Variants in RASGRF1 observed in about 807,000 individuals in gnomAD.
RASGRF1 encodes ras-specific guanine nucleotide-releasing factor 1.
Under a neutral mutation model 138.7 loss-of-function variants are expected in RASGRF1, and 40 were observed. The observed-to-expected ratio is 0.29, with a 90% confidence interval of 0.22 to 0.38. RASGRF1 has a LOEUF of 0.38. Among genes scored for constraint, RASGRF1 ranks in the 10% least tolerant of loss-of-function variants. The pLI is 1.00. For synonymous variants in RASGRF1, 614 were observed against 663.2 expected, an observed-to-expected ratio of 0.93 and a Z score of 1.14; for missense variants, 1,108 against 1,650.4, an observed-to-expected ratio of 0.67 and a Z score of 5.69.
Position 78,973,269 on chromosome 15 carries a change from C to G in RASGRF1, c.3612+34G>C, listed in dbSNP as rs570815321. 1.3e-6 allele frequency: 2 copies of G among 1,526,156 alleles called. No individual in the cohort carries two copies. Among genetic ancestry groups the G allele is most frequent in the South Asian group, 1.2e-5 (1 of 84,788 alleles). 94.5% of individuals were successfully genotyped at this position (1,526,156 alleles called of 1,614,324 possible). On this transcript the variant is annotated intron_variant, in intron 25 of 26. Coordinates refer to ENST00000558480, the MANE Select transcript of RASGRF1 (RefSeq NM_001145648.3). This position sits in a 1 kb window ranked among gnomAD's most constrained non-coding sequence, Gnocchi z 4.9. ...AGGTTGAGTCATCTGGGCTTCAACG[C>G]CCCCCTTCCCCTGCCTGGCTGGGGG...
intron 24 of RASGRF1, chr15:78,978,412 A>T: frequency 4.7e-6 from 3 of 636,514 alleles, no homozygotes; most frequent in Non-Finnish European, 5.9e-6. Flanking sequence ...TTCAGTAGAG[A>T]CAGGGTTTTG....
intron 1 of RASGRF1, among the ~76,000 whole-genome samples, chr15:79,066,215 G>A (rs1014183857): frequency 1.3e-5 from 2 of 152,020 alleles, no homozygotes; most frequent in African/African-American, 2.4e-5. Context: ...CATTCACCAA[G>A]CAGAACAGGT....
At chr15:79,055,122 G>C (rs1429556061) in intron 3 of RASGRF1, among the ~76,000 whole-genome samples, 1 of 152,200 alleles carries the variant, frequency 6.6e-6, no homozygotes, top group African/African-American at 2.4e-5. Context: ...TGGTGGAGGC[G>C]AGAGACTTTG....
In RASGRF1 at chr15:79,090,534, A is replaced by C; in HGVS notation, c.-36T>G. ...GGCCAGCGAGACCCCACGCGCTTACATCTTCTCCGCGCAGCAGCCCCCCGT... is the reference window on the plus strand; with the variant it reads ...GGCCAGCGAGACCCCACGCGCTTACCTCTTCTCCGCGCAGCAGCCCCCCGT... On this transcript the variant is annotated 5_prime_UTR_variant, in exon 1 of 27. It removes an upstream start codon present in the reference 5' UTR. Transcript: ENST00000558480. The C allele has an allele frequency of 6.3e-7, 1 of 1,596,512 alleles. No homozygotes were observed. Among genetic ancestry groups the C allele is most frequent in the East Asian group, 2.2e-5 (1 of 44,562 alleles).
At chr15:79,075,009 TC>T (rs1286084119) in intron 1 of RASGRF1, among the ~76,000 whole-genome samples, 1 of 152,116 alleles carries the variant, frequency 6.6e-6, no homozygotes, top group East Asian at 1.9e-4. Context: ...TCCAAGGCCT[TC>T]CCAAGTGCAT....
At chr15:79,038,051 A>G (rs2057246308) in intron 5 of RASGRF1, among the ~76,000 whole-genome samples, 1 of 152,172 alleles carries the variant, frequency 6.6e-6, no homozygotes, top group South Asian at 2.1e-4. Context: ...GGGAGTGGCT[A>G]TAAATACAGA....
At chr15:79,064,646 C>T in intron 1 of RASGRF1, 120 bp from the exon 2 acceptor site, 4 of 913,474 alleles carry the variant, frequency 4.4e-6, no homozygotes, top group Non-Finnish European at 7.1e-6. Flanking sequence ...GCACAGATTC[C>T]TTGTTTGTGA....
intron 3 of RASGRF1, 141 bp from the exon 4 acceptor site, chr15:79,049,729 GA>G: frequency 1.5e-6 from 1 of 662,214 alleles, no homozygotes; most frequent in Non-Finnish European, 2.6e-6. Context: ...CACAGCTTGT[GA>G]TTCTGACTCT....
chr15:78,985,337 C>T (rs1168864168), intron 22 of RASGRF1, 133 bp from the exon 23 acceptor site: 2 of 972,812 alleles, frequency 2.1e-6, no homozygotes, highest in East Asian at 5.2e-5. Context: ...GAACAACTAA[C>T]AGAGCTTGCT....
At chr15:79,045,559 C>T (rs974262935) in intron 5 of RASGRF1, among the ~76,000 whole-genome samples, 26 of 152,216 alleles carry the variant, frequency 1.7e-4, no homozygotes, top group African/African-American at 6.3e-4. Flanking sequence ...TTTTCCTCCT[C>T]CTGCCTGCTT....
At chr15:79,024,005 C>T (rs1178793397) in intron 10 of RASGRF1, among the ~76,000 whole-genome samples, 1 of 140,834 alleles carries the variant, frequency 7.1e-6, no homozygotes, top group African/African-American at 2.7e-5. Context: ...CATAGACACA[C>T]ACAGATACAC....
At chr15:79,089,830 G>A (rs1178501738) in intron 1 of RASGRF1, among the ~76,000 whole-genome samples, 1 of 152,192 alleles carries the variant, frequency 6.6e-6, no homozygotes, top group African/African-American at 2.4e-5. Context: ...ACAGACGATC[G>A]GGGCTATTAG....
intron 2 of RASGRF1, among the ~76,000 whole-genome samples, chr15:79,060,030 A>G (rs1012579870): frequency 2.0e-5 from 3 of 146,792 alleles, no homozygotes; most frequent in African/African-American, 7.5e-5. Context: ...ACACACACAC[A>G]CGGTGTCTGA....
chr15:79,012,435 T>C, intron 13 of RASGRF1: 2 of 1,274,972 alleles, frequency 1.6e-6, no homozygotes, highest in East Asian at 4.8e-5. Flanking sequence ...ATAATCTCTC[T>C]ATGTCTCTCT....
chr15:79,003,848 A>G lies in RASGRF1; in HGVS notation c.2403T>C (p.Asp801=). The part of the protein sequence containing the change: ...SFTNKIPDEG[D]TTPEKPEDPS... ...GGTCTTCGGGCTTCTCAGGGGTCGT[A>G]TCGCCCTCATCTGGAATCTTGTTGG... The change falls in exon 15 of 27, where the codon GAT becomes GAC. Residue 801 remains aspartate, a synonymous_variant. Coordinates refer to ENST00000558480, the MANE Select transcript of RASGRF1 (RefSeq NM_001145648.3). 1 of 1,612,980 alleles carries G rather than the reference A, an allele frequency of 6.2e-7. No individual in the cohort carries two copies. The highest frequency in any genetic ancestry group is 1.3e-5 in the African/African-American group (1 of 75,026).
chr15:79,074,217 T>A (rs954828328), intron 1 of RASGRF1, among the ~76,000 whole-genome samples: 1 of 152,216 alleles, frequency 6.6e-6, no homozygotes, highest in Admixed American at 6.5e-5. Context: ...GAATTTATTT[T>A]AAAGAGCACC....
chr15:79,035,525 G>T (rs2057207697), intron 5 of RASGRF1, among the ~76,000 whole-genome samples: 1 of 152,232 alleles, frequency 6.6e-6, no homozygotes, highest in South Asian at 2.1e-4. Context: ...AGCTGCTCTG[G>T]CCAGTGGCCT....
At position 78,973,951 on chromosome 15, in the gene RASGRF1, T is replaced by C. The variant is rs1385911112; in HGVS notation, c.3495-531A>G. Among the ~76,000 whole-genome samples, 1 of 152,170 alleles carries C rather than the reference T, an allele frequency of 6.6e-6. No individual in the cohort carries two copies. Among genetic ancestry groups the C allele is most frequent in the Admixed American group, 6.5e-5 (1 of 15,288 alleles). On this transcript the variant is annotated intron_variant, in intron 24 of 26. Coordinates refer to ENST00000558480, the MANE Select transcript of RASGRF1 (RefSeq NM_001145648.3). The surrounding 1 kb of genome is among the most constrained non-coding windows in gnomAD (Gnocchi z 4.9). ...TCTCCCACCCACCTAAGCACTGGGC[T>C]TGGGTGCCAGGGCAGGAAACCCTTG...
intron 13 of RASGRF1, among the ~76,000 whole-genome samples, chr15:79,008,361 C>T (rs2056727018): frequency 6.6e-6 from 1 of 152,132 alleles, no homozygotes; most frequent in African/African-American, 2.4e-5. Flanking sequence ...AGCACAGGGC[C>T]CGTAAAGATA....
Sources: allele counts gnomAD v4.1 joint callset (sites outside exome capture counted in the v4.1 genomes callset), GRCh38; gene constraint gnomAD v4.1.1; non-coding constraint Gnocchi (gnomAD v3.1); transcripts MANE v1.5; gene names NCBI Gene and HGNC (gene_info 2026-07-23, HGNC 2026-07-21).